FUNDC1: variants seen among roughly 807,000 people sequenced by gnomAD.
The protein encoded by FUNDC1 is FUN14 domain containing 1.
In FUNDC1, 10 loss-of-function variants were observed where a neutral mutation model predicts 14.5. The observed-to-expected ratio is 0.69, with a 90% CI of 0.43 to 1.17. The LOEUF (loss-of-function observed/expected upper bound fraction) is 1.17, where lower values mean the gene tolerates loss of function less well. FUNDC1 is among the 50% of genes most tolerant of loss of function. FUNDC1 has a pLI of 0.00. For synonymous variants in FUNDC1, 33 were observed against 39.7 expected (o/e 0.83, Z 0.64); for missense variants, 115 against 113.8 (o/e 1.01, Z -0.05).
chrX:44,523,797 A>G lies in FUNDC1; in HGVS notation c.*401T>C, dbSNP rs946050676. ...GAAACTATAACATGAATTTTAAATT[A>G]TGGACACATACCATAAAACACAATG... On this transcript the variant is annotated 3_prime_UTR_variant, in exon 5 of 5. Coordinates refer to ENST00000378045, the MANE Select transcript of FUNDC1 (RefSeq NM_173794.4). The G allele has an allele frequency of 8.6e-6, 1 of 115,692 alleles. No individual in the cohort carries two copies. The highest frequency in any genetic ancestry group is 3.2e-5 in the African/African-American group (1 of 30,857). The allele number at this position is 115,692 out of a possible 1,213,427, so 9.5% of individuals were successfully genotyped here. A position where few individuals can be genotyped will look rare whatever the true frequency, so the allele number is the denominator to read the frequency against.
intron 3 of FUNDC1, among the ~76,000 whole-genome samples, chrX:44,534,825 G>A (rs1247419843): frequency 8.9e-6 from 1 of 111,835 alleles, no homozygotes; most frequent in African/African-American, 3.2e-5. Flanking sequence ...ATTGGAGGAT[G>A]TGTCCACCAA....
At chrX:44,526,092 A>C (rs1265228652) in intron 4 of FUNDC1, among the ~76,000 whole-genome samples, 3 of 95,058 alleles carry the variant, frequency 3.2e-5, no homozygotes, top group African/African-American at 1.1e-4. Context: ...CAACACAGCG[A>C]GACAGAATGA....
At chrX:44,540,411 G>A (rs1198356010) in intron 2 of FUNDC1, among the ~76,000 whole-genome samples, 2 of 88,194 alleles carry the variant, frequency 2.3e-5, no homozygotes, top group Non-Finnish European at 4.2e-5. Context: ...CCAAATGTGT[G>A]TGTTGTGTGT....
Position 44,542,055 on chromosome X carries a change from C to G in FUNDC1, c.75G>C (p.Glu25Asp), listed in dbSNP as rs2038974295. 5 of 1,204,731 alleles carry G rather than the reference C, an allele frequency of 4.2e-6. No individual in the cohort carries two copies. The highest frequency in any genetic ancestry group is 1.7e-5 in the African/African-American group (1 of 57,703). ...DDSYEVLDLT[E>D]YARRHQWWNR... ...TCCACCACTGGTGTCTTCTTGCATA[C>G]TCAGTTAAATCCAACACTTCATAAG... is the stretch of plus-strand genomic sequence containing the variant. The change falls in exon 2 of 5, where the codon GAG (glutamate) becomes GAC (aspartate). Residue 25 changes from glutamate (E) to aspartate (D), a missense_variant. Coordinates refer to ENST00000378045, the MANE Select transcript of FUNDC1 (RefSeq NM_173794.4).
intron 2 of FUNDC1, among the ~76,000 whole-genome samples, chrX:44,541,000 C>CA (rs1314633923): frequency 1.6e-4 from 17 of 106,127 alleles, no homozygotes; most frequent in Non-Finnish European, 2.7e-4. Flanking sequence ...ATGGCATTTG[C>CA]AAAAAAAAAG....
chrX:44,527,577 G>A (rs1055524069), intron 3 of FUNDC1, among the ~76,000 whole-genome samples: 2 of 111,610 alleles, frequency 1.8e-5, no homozygotes, highest in Middle Eastern at 4.6e-3. Flanking sequence ...CCTATCCTCA[G>A]AGAGCTTCAG....
At chrX:44,528,193 C>T (rs7051695) in intron 3 of FUNDC1, among the ~76,000 whole-genome samples, 15,730 of 111,424 alleles carry the variant, frequency 0.14, 1,785 homozygotes, top group African/African-American at 0.38. Context: ...CATCACTTTT[C>T]TTTTGCCATT....
chrX:44,535,814 C>A (rs1181823679), intron 3 of FUNDC1, among the ~76,000 whole-genome samples: 6 of 106,871 alleles, frequency 5.6e-5, no homozygotes. Context: ...GGTGAAACCC[C>A]ATCTCTACTA....
intron 2 of FUNDC1, among the ~76,000 whole-genome samples, chrX:44,540,871 A>G (rs1037568129): frequency 1.8e-5 from 2 of 111,680 alleles, no homozygotes; most frequent in African/African-American, 3.3e-5. Context: ...AGGCCCTGAC[A>G]GGCATCTCTC....
At chrX:44,524,407 CAGAA>C (rs2038893191) in intron 4 of FUNDC1, 132 bp from the exon 5 acceptor site, 3 of 464,675 alleles carry the variant, frequency 6.5e-6, no homozygotes, top group Non-Finnish European at 7.6e-6. Flanking sequence ...TATGAGTAGT[CAGAA>C]AGCAGAATAC....
intron 3 of FUNDC1, among the ~76,000 whole-genome samples, chrX:44,532,123 G>A (rs1052778780): frequency 9.0e-6 from 1 of 110,539 alleles, no homozygotes; most frequent in African/African-American, 3.3e-5. Context: ...GGCCCGGCAC[G>A]GTGGCTCATG....
At chrX:44,525,596 G>A (rs1166907263) in intron 4 of FUNDC1, among the ~76,000 whole-genome samples, 2 of 110,513 alleles carry the variant, frequency 1.8e-5, no homozygotes, top group African/African-American at 6.6e-5. Context: ...GCTCAAACCT[G>A]TAATGCCCAG....
At chrX:44,539,182 C>G (rs1230143839) in intron 2 of FUNDC1, among the ~76,000 whole-genome samples, 1 of 111,767 alleles carries the variant, frequency 8.9e-6, no homozygotes, top group African/African-American at 3.2e-5. Context: ...CCTGTGTCAG[C>G]TCATACTTCT....
intron 4 of FUNDC1, among the ~76,000 whole-genome samples, chrX:44,527,015 G>A (rs1372599820): frequency 9.5e-6 from 1 of 105,035 alleles, no homozygotes; most frequent in Non-Finnish European, 1.9e-5. Context: ...GTGAGCTAGA[G>A]ATATGCAGGG....
intron 3 of FUNDC1, among the ~76,000 whole-genome samples, chrX:44,530,264 A>G (rs2038917065): frequency 8.9e-6 from 1 of 111,992 alleles, no homozygotes; most frequent in Non-Finnish European, 1.9e-5. Context: ...TACATAAGGT[A>G]CTTTTATTAG....
chrX:44,527,290 T>A lies in FUNDC1; in HGVS notation c.337A>T (p.Ile113Phe). ...GCTGCTTTGTTCGCTCGTTTCTTAA[T>A]CTGTCTTTTTGCTTTATTTACATCT... ...EKDVNKAKRQ[I>F]KKRANKAAPE... Residue 113 changes from isoleucine to phenylalanine, a missense_variant, in exon 4 of 5, where the codon ATT (isoleucine) becomes TTT (phenylalanine). Physicochemically the swap from Ile to Phe is conservative, Grantham distance 21 (BLOSUM62 0). Transcript: ENST00000378045. 1 of 1,199,156 alleles carries A rather than the reference T, an allele frequency of 8.3e-7. No homozygotes were observed. Among genetic ancestry groups the A allele is most frequent in the Non-Finnish European group, 1.1e-6 (1 of 886,672 alleles).
At chrX:44,525,478 T>C (rs886270827) in intron 4 of FUNDC1, among the ~76,000 whole-genome samples, 11 of 109,236 alleles carry the variant, frequency 1.0e-4, no homozygotes, top group African/African-American at 3.3e-4. Flanking sequence ...AGTGAACTAC[T>C]GTACCTGGCA....
intron 3 of FUNDC1, among the ~76,000 whole-genome samples, chrX:44,530,211 T>C (rs1171408040): frequency 8.9e-6 from 1 of 112,294 alleles, no homozygotes; most frequent in African/African-American, 3.2e-5. Context: ...TGACTGCTTT[T>C]TGAACATTTG....
intron 3 of FUNDC1, among the ~76,000 whole-genome samples, chrX:44,535,669 CA>C (rs1224864816): frequency 0.29 from 9,264 of 32,273 alleles, 381 homozygotes; most frequent in African/African-American, 0.35. Flanking sequence ...GACTCTGTCT[CA>C]AAAAAAAAAA....
Sources: allele counts gnomAD v4.1 joint callset (sites outside exome capture counted in the v4.1 genomes callset), GRCh38; gene constraint gnomAD v4.1.1; transcripts MANE v1.5; gene names NCBI Gene and HGNC (gene_info 2026-07-23, HGNC 2026-07-21).